Variants in PTPRM observed in about 807,000 individuals in gnomAD.
The protein encoded by PTPRM is protein tyrosine phosphatase receptor type M.
PTPRM carries 47 observed loss-of-function variants against 186.7 expected under a neutral mutation model. The observed-to-expected ratio is 0.25, with a 90% CI of 0.20 to 0.32. PTPRM has a LOEUF of 0.32. Among genes scored for constraint, PTPRM ranks in the 10% least tolerant of loss-of-function variants. The pLI is 1.00. For synonymous variants in PTPRM, 668 were observed against 674.9 expected, an observed-to-expected ratio of 0.99 and a Z score of 0.16; for missense variants, 1,494 against 1,865.0, an observed-to-expected ratio of 0.80 and a Z score of 3.66.
intron 1 of PTPRM, among the ~76,000 whole-genome samples, chr18:7,603,203 C>T (rs1483808118): frequency 6.6e-6 from 1 of 152,136 alleles, no homozygotes; most frequent in Non-Finnish European, 1.5e-5. Flanking sequence ...GCTGGGATTA[C>T]AGGTGTGAGC....
intron 1 of PTPRM, among the ~76,000 whole-genome samples, chr18:7,733,809 C>G (rs977387471): frequency 6.6e-6 from 1 of 152,186 alleles, no homozygotes; most frequent in Non-Finnish European, 1.5e-5. Flanking sequence ...TTCCTGGTGG[C>G]TCCACCCCAT....
intron 14 of PTPRM, among the ~76,000 whole-genome samples, chr18:8,162,265 A>C: frequency 6.6e-6 from 1 of 151,874 alleles, no homozygotes; most frequent in East Asian, 1.9e-4. Context: ...ACGCCCAGCT[A>C]ATTTTTTACA....
chr18:8,003,587 A>G (rs2083998389), intron 7 of PTPRM, among the ~76,000 whole-genome samples: 1 of 152,250 alleles, frequency 6.6e-6, no homozygotes, highest in Non-Finnish European at 1.5e-5. Context: ...TGAATAAAGT[A>G]CGGATCAGTT....
chr18:8,175,064 A>G (rs2093461707), intron 14 of PTPRM, among the ~76,000 whole-genome samples: 1 of 152,154 alleles, frequency 6.6e-6, no homozygotes, highest in Non-Finnish European at 1.5e-5. Context: ...CTGGTTTGCT[A>G]TAGGATTCTG....
At chr18:7,772,197 A>G (rs973710549) in intron 1 of PTPRM, among the ~76,000 whole-genome samples, 2 of 152,106 alleles carry the variant, frequency 1.3e-5, no homozygotes, top group Admixed American at 1.3e-4. Context: ...TTAGAACATG[A>G]CAGCTCTTTT....
At chr18:8,202,967 T>C (rs2093878839) in intron 14 of PTPRM, among the ~76,000 whole-genome samples, 1 of 152,226 alleles carries the variant, frequency 6.6e-6, no homozygotes, top group African/African-American at 2.4e-5. Context: ...TCAGGCAGCA[T>C]AGGGCTATGA....
chr18:7,821,609 G>A (rs1410541807), intron 2 of PTPRM, among the ~76,000 whole-genome samples: 1 of 151,834 alleles, frequency 6.6e-6, no homozygotes, highest in African/African-American at 2.4e-5. Context: ...TATAAATTGG[G>A]CACAGAAAGA....
intron 14 of PTPRM, among the ~76,000 whole-genome samples, chr18:8,215,722 AT>A (rs1251969413): frequency 6.7e-6 from 1 of 149,912 alleles, no homozygotes; most frequent in Non-Finnish European, 1.5e-5. Flanking sequence ...TTTTTCGTTC[AT>A]TTTTTGTAGA....
chr18:7,942,427 T>C (rs1396588580), intron 5 of PTPRM, among the ~76,000 whole-genome samples: 1 of 151,836 alleles, frequency 6.6e-6, no homozygotes, highest in Non-Finnish European at 1.5e-5. Context: ...CAGGATCTGA[T>C]GGTAATAAGC....
Position 7,793,833 on chromosome 18 carries a change from C to G in PTPRM, c.196+19562C>G, listed in dbSNP as rs149156010. Among the ~76,000 whole-genome samples the G allele has an allele frequency of 1.2e-3, 190 of 152,214 alleles. 1 individual carries two copies. Among genetic ancestry groups the G allele is most frequent in the African/African-American group, 4.3e-3 (178 of 41,534 alleles). ...CCCCCATCTTGTCCCTATGAAAACC[C>G]CGAGACCTTTGCAGGCAGACACACA... On this transcript the variant is annotated intron_variant, in intron 2 of 32. Coordinates refer to ENST00000580170, the MANE Select transcript of PTPRM (RefSeq NM_001105244.2).
At chr18:8,001,919 C>G (rs759168814) in intron 7 of PTPRM, among the ~76,000 whole-genome samples, 18 of 152,338 alleles carry the variant, frequency 1.2e-4, no homozygotes, top group Non-Finnish European at 2.4e-4. Context: ...CTGTCAGCAC[C>G]TGCTGTGTGT....
intron 32 of PTPRM, among the ~76,000 whole-genome samples, chr18:8,396,599 G>A (rs1056313112): frequency 3.3e-5 from 5 of 152,128 alleles, no homozygotes; most frequent in South Asian, 2.1e-4. Context: ...GGGAGCTTGC[G>A]GTCCCAGCCC....
At chr18:8,279,363 C>T (rs919611045) in intron 19 of PTPRM, among the ~76,000 whole-genome samples, 8 of 152,174 alleles carry the variant, frequency 5.3e-5, no homozygotes, top group Non-Finnish European at 1.0e-4. Context: ...CCTTTTCCGA[C>T]CCTTAATTAA....
intron 5 of PTPRM, among the ~76,000 whole-genome samples, chr18:7,945,627 A>G (rs1182887177): frequency 6.6e-6 from 1 of 152,196 alleles, no homozygotes; most frequent in African/African-American, 2.4e-5. Flanking sequence ...ACAGACTAAG[A>G]CATCCAGTCA....
chr18:7,687,983 G>A (rs531427822), intron 1 of PTPRM, among the ~76,000 whole-genome samples: 2 of 152,036 alleles, frequency 1.3e-5, no homozygotes, highest in Non-Finnish European at 2.9e-5. Flanking sequence ...TCACCATGTT[G>A]GCCAGGATGG....
At chr18:7,845,846 C>T (rs1412014161) in intron 2 of PTPRM, among the ~76,000 whole-genome samples, 1 of 152,046 alleles carries the variant, frequency 6.6e-6, no homozygotes, top group Non-Finnish European at 1.5e-5. Flanking sequence ...TACAGGATGA[C>T]TCTTAAGGGT....
chr18:7,919,208 T>C (rs976629899), intron 4 of PTPRM, among the ~76,000 whole-genome samples: 4 of 152,272 alleles, frequency 2.6e-5, no homozygotes, highest in Middle Eastern at 3.4e-3. Context: ...TTATACTACA[T>C]TTTGAAATCA....
intron 1 of PTPRM, among the ~76,000 whole-genome samples, chr18:7,592,963 C>G (rs1213836803): frequency 6.6e-6 from 1 of 152,186 alleles, no homozygotes; most frequent in East Asian, 1.9e-4. Flanking sequence ...CTATTACAAC[C>G]TGGATTAGAA....
At chr18:8,135,263 C>A (rs2092610832) in intron 13 of PTPRM, among the ~76,000 whole-genome samples, 1 of 152,062 alleles carries the variant, frequency 6.6e-6, no homozygotes, top group African/African-American at 2.4e-5. Flanking sequence ...ATAGTGCAAT[C>A]AATGATGGAA....
Sources: allele counts gnomAD v4.1 joint callset (sites outside exome capture counted in the v4.1 genomes callset), GRCh38; gene constraint gnomAD v4.1.1; transcripts MANE v1.5; gene names NCBI Gene and HGNC (gene_info 2026-07-23, HGNC 2026-07-21).